PPARGC1A: variants seen among roughly 807,000 people sequenced by gnomAD.
PPARGC1A encodes peroxisome proliferator-activated receptor gamma coactivator 1-alpha.
A neutral mutation model predicts 88.7 loss-of-function variants in PPARGC1A; 25 were observed. That is an observed-to-expected ratio of 0.28 (90% CI 0.21 to 0.39). The LOEUF is 0.39. Ranked by LOEUF, PPARGC1A falls within the 10% of genes least tolerant of loss-of-function variation. The probability of loss-of-function intolerance (pLI) is 1.00; values close to 1 mark genes in which losing one functional copy is unlikely to be tolerated. For synonymous variants in PPARGC1A, 363 were observed against 355.6 expected, an observed-to-expected ratio of 1.02 and a Z score of -0.24; for missense variants, 880 against 968.7, an observed-to-expected ratio of 0.91 and a Z score of 1.22.
At chr4:24,142,707 G>A in the PPARGC1A span, among the ~76,000 whole-genome samples, 1 of 151,912 alleles carries the variant, frequency 6.6e-6, no homozygotes. Flanking sequence ...TGGGGAGGGG[G>A]TGGTCAGGGA....
chr4:24,258,099 G>T, the PPARGC1A span: 1 of 426,016 alleles, frequency 2.3e-6, no homozygotes, highest in Non-Finnish European at 3.1e-6. Flanking sequence ...ATATCTGGGT[G>T]TGAAACTTGG....
At chr4:24,188,212 C>A in the PPARGC1A span, among the ~76,000 whole-genome samples, 1 of 151,782 alleles carries the variant, frequency 6.6e-6, no homozygotes, top group South Asian at 2.1e-4. Flanking sequence ...CCAGATAGAG[C>A]TGAGAGGCAG....
chr4:24,115,151 T>C, the PPARGC1A span, among the ~76,000 whole-genome samples: 1 of 152,192 alleles, frequency 6.6e-6, no homozygotes, highest in Non-Finnish European at 1.5e-5. Flanking sequence ...TTCCTTGATA[T>C]AGCCTTAGAT....
the PPARGC1A span, among the ~76,000 whole-genome samples, chr4:24,349,447 C>A: frequency 6.6e-6 from 1 of 152,130 alleles, no homozygotes; most frequent in Non-Finnish European, 1.5e-5. Context: ...CGTGTCTGAG[C>A]TCAAACTCTC....
the PPARGC1A span, among the ~76,000 whole-genome samples, chr4:23,999,597 G>A: frequency 6.6e-6 from 1 of 152,168 alleles, no homozygotes; most frequent in Non-Finnish European, 1.5e-5. Flanking sequence ...GTTGGAAAAG[G>A]GATTTTGGAA....
At chr4:24,465,329 T>C in the PPARGC1A span, among the ~76,000 whole-genome samples, 2 of 152,234 alleles carry the variant, frequency 1.3e-5, no homozygotes, top group East Asian at 3.8e-4. Flanking sequence ...TTCTTCTTTT[T>C]TTAAAACATA....
the PPARGC1A span, among the ~76,000 whole-genome samples, chr4:24,447,411 T>C: frequency 6.6e-6 from 1 of 152,134 alleles, no homozygotes; most frequent in African/African-American, 2.4e-5. Context: ...GATGCGGCAC[T>C]GGAGCTGAAA....
At chr4:24,194,825 A>G in the PPARGC1A span, among the ~76,000 whole-genome samples, 1 of 152,188 alleles carries the variant, frequency 6.6e-6, no homozygotes, top group Non-Finnish European at 1.5e-5. Flanking sequence ...CACTGAGAAG[A>G]GACTAATGTG....
the PPARGC1A span, among the ~76,000 whole-genome samples, chr4:24,379,236 T>C: frequency 2.6e-5 from 4 of 152,128 alleles, no homozygotes. Context: ...GTTGATACCA[T>C]GGATGTAGAG....
the PPARGC1A span, among the ~76,000 whole-genome samples, chr4:24,068,847 T>C: frequency 1.3e-5 from 2 of 152,188 alleles, no homozygotes; most frequent in Admixed American, 6.5e-5. Flanking sequence ...ACTCTCATCA[T>C]GGACCCTCAT....
chr4:24,272,695 G>A, the PPARGC1A span, among the ~76,000 whole-genome samples: 11 of 152,150 alleles, frequency 7.2e-5, no homozygotes, highest in Non-Finnish European at 1.5e-4. Context: ...ATCATAAAGC[G>A]TCTTTCCTTT....
At chr4:24,087,962 G>A in the PPARGC1A span, among the ~76,000 whole-genome samples, 1 of 152,180 alleles carries the variant, frequency 6.6e-6, no homozygotes, top group African/African-American at 2.4e-5. Flanking sequence ...ATTAAAAAAA[G>A]AAAATCCTTT....
At chr4:24,018,293 T>G in the PPARGC1A span, among the ~76,000 whole-genome samples, 2 of 152,200 alleles carry the variant, frequency 1.3e-5, no homozygotes, top group East Asian at 3.8e-4. Context: ...ACAGGTACAG[T>G]TTTCTTTTTT....
the PPARGC1A span, among the ~76,000 whole-genome samples, chr4:24,328,699 G>T: frequency 6.6e-5 from 10 of 151,844 alleles, no homozygotes; most frequent in African/African-American, 7.3e-5. Flanking sequence ...AACTTGAGGG[G>T]TTTTTTTTCC....
chr4:24,335,659 C>A, the PPARGC1A span, among the ~76,000 whole-genome samples: 1 of 152,112 alleles, frequency 6.6e-6, no homozygotes, highest in Non-Finnish European at 1.5e-5. Context: ...ACTATAAGCG[C>A]GAGGGTACGT....
chr4:24,245,924 TGCACACACACACAC>T, the PPARGC1A span, among the ~76,000 whole-genome samples: 1 of 84,748 alleles, frequency 1.2e-5, no homozygotes, highest in African/African-American at 4.8e-5. Flanking sequence ...GAAAGCCATG[TGCACACACACACAC>T]ACACACACAC....
At chr4:23,876,210 A>T (rs916895960) in intron 2 of PPARGC1A, among the ~76,000 whole-genome samples, 2 of 152,252 alleles carry the variant, frequency 1.3e-5, no homozygotes, top group African/African-American at 4.8e-5. Context: ...TAAAAGCTGT[A>T]ATTCCCTACA....
the PPARGC1A span, among the ~76,000 whole-genome samples, chr4:23,916,394 C>T: frequency 6.6e-6 from 1 of 151,960 alleles, no homozygotes; most frequent in South Asian, 2.1e-4. Context: ...AAGTAAAATC[C>T]CCTACATCCT....
At chr4:23,992,259 TATCA>T in the PPARGC1A span, among the ~76,000 whole-genome samples, 2 of 35,252 alleles carry the variant, frequency 5.7e-5, no homozygotes, top group African/African-American at 1.5e-4. Context: ...TTATGATTAT[TATCA>T]GATAATATTA....
Sources: allele counts gnomAD v4.1 joint callset (sites outside exome capture counted in the v4.1 genomes callset), GRCh38; gene constraint gnomAD v4.1.1; transcripts MANE v1.5; gene names NCBI Gene and HGNC (gene_info 2026-07-23, HGNC 2026-07-21).